CNTNAP2: variants seen among roughly 807,000 people sequenced by gnomAD.
The protein encoded by CNTNAP2 is contactin associated protein 2.
A neutral mutation model predicts 155.2 loss-of-function variants in CNTNAP2; 98 were observed. The observed-to-expected ratio is 0.63, with a 90% CI of 0.54 to 0.75. The LOEUF (loss-of-function observed/expected upper bound fraction) is 0.75, where lower values mean the gene tolerates loss of function less well. Among genes scored for constraint, CNTNAP2 ranks in the 30% least tolerant of loss-of-function variants. The pLI, the probability that CNTNAP2 is intolerant of heterozygous loss-of-function variation, is 0.00. For synonymous variants in CNTNAP2, 651 were observed against 631.2 expected (o/e 1.03, Z -0.47); for missense variants, 1,727 against 1,688.1 (o/e 1.02, Z -0.40).
intron 1 of CNTNAP2, among the ~76,000 whole-genome samples, chr7:146,690,581 C>T (rs982391516): frequency 6.6e-6 from 1 of 152,046 alleles, no homozygotes; most frequent in Non-Finnish European, 1.5e-5. Flanking sequence ...GCCTCATTTG[C>T]AAGTTGTTTT....
chr7:146,568,982 T>G (rs1798399002), intron 1 of CNTNAP2, among the ~76,000 whole-genome samples: 2 of 151,868 alleles, frequency 1.3e-5, no homozygotes, highest in South Asian at 4.1e-4. Flanking sequence ...TCTCTGTGGT[T>G]ACTTCTTTTT....
intron 13 of CNTNAP2, among the ~76,000 whole-genome samples, chr7:147,772,446 C>CCATATATATA (rs71527835): frequency 7.8e-5 from 5 of 63,744 alleles, no homozygotes; most frequent in Non-Finnish European, 1.1e-4. Flanking sequence ...CTCTCTCTCG[C>CCATATATATA]TATATATATA....
intron 15 of CNTNAP2, among the ~76,000 whole-genome samples, chr7:148,097,666 A>G (rs1804002180): frequency 6.6e-6 from 1 of 152,170 alleles, no homozygotes; most frequent in South Asian, 2.1e-4. Flanking sequence ...TGATGTGATA[A>G]CAAGGCTTGA....
intron 10 of CNTNAP2, among the ~76,000 whole-genome samples, chr7:147,401,577 A>T (rs1237057930): frequency 1.3e-5 from 2 of 152,202 alleles, no homozygotes; most frequent in Non-Finnish European, 2.9e-5. Flanking sequence ...GCAGTCAAGA[A>T]GGATGATATG....
At chr7:146,574,069 A>G (rs1798483726) in intron 1 of CNTNAP2, among the ~76,000 whole-genome samples, 1 of 152,160 alleles carries the variant, frequency 6.6e-6, no homozygotes, top group Admixed American at 6.5e-5. Flanking sequence ...AGGAAGAGAT[A>G]CCTGTCCTAT....
At chr7:147,452,769 AC>A (rs1377087733) in intron 10 of CNTNAP2, among the ~76,000 whole-genome samples, 4 of 152,290 alleles carry the variant, frequency 2.6e-5, no homozygotes, top group African/African-American at 7.2e-5. Flanking sequence ...TCCCTAGCTT[AC>A]TGCCTGATAT....
At chr7:146,203,028 T>C (rs191987491) in intron 1 of CNTNAP2, among the ~76,000 whole-genome samples, 2 of 152,342 alleles carry the variant, frequency 1.3e-5, no homozygotes, top group South Asian at 2.1e-4. Context: ...TTTTGTTCTG[T>C]GTTGCTTTGT....
intron 21 of CNTNAP2, 28 bp downstream of exon 21, chr7:148,267,154 T>A (rs748619292): frequency 2.3e-5 from 36 of 1,559,786 alleles, no homozygotes; most frequent in Middle Eastern, 1.7e-4. Flanking sequence ...TAGGTATAAA[T>A]GCGTGCTACA....
intron 21 of CNTNAP2, among the ~76,000 whole-genome samples, chr7:148,290,646 C>T (rs1797173256): frequency 6.6e-6 from 1 of 152,158 alleles, no homozygotes; most frequent in Non-Finnish European, 1.5e-5. Context: ...GTGGCTGGTG[C>T]CTACAACACT....
chr7:147,946,497 CA>C (rs1469226174), intron 14 of CNTNAP2, among the ~76,000 whole-genome samples: 2 of 152,018 alleles, frequency 1.3e-5, no homozygotes, highest in African/African-American at 2.4e-5. Flanking sequence ...ATAAGCATGA[CA>C]GAAGGTTTTA....
chr7:148,402,935 C>A (rs1585347369), intron 22 of CNTNAP2, among the ~76,000 whole-genome samples: 1 of 147,966 alleles, frequency 6.8e-6, no homozygotes. Context: ...ATATGCACTT[C>A]AATATGTTTT....
intron 1 of CNTNAP2, among the ~76,000 whole-genome samples, chr7:146,210,200 G>T (rs955107): frequency 0.25 from 38,351 of 151,828 alleles, 5,027 homozygotes; most frequent in Middle Eastern, 0.33. Context: ...CCTGAAATTT[G>T]CTCATTCTGC....
chr7:146,671,974 C>A (rs1290921211), intron 1 of CNTNAP2, among the ~76,000 whole-genome samples: 1 of 152,010 alleles, frequency 6.6e-6, no homozygotes, highest in African/African-American at 2.4e-5. Flanking sequence ...TGCCACTGCA[C>A]CCAAATAATT....
chr7:146,302,953 C>T (rs1800637260), intron 1 of CNTNAP2, among the ~76,000 whole-genome samples: 1 of 152,044 alleles, frequency 6.6e-6, no homozygotes, highest in African/African-American at 2.4e-5. Flanking sequence ...TGTAGTATAG[C>T]AGACACAGCT....
intron 21 of CNTNAP2, among the ~76,000 whole-genome samples, chr7:148,300,676 T>C (rs1189858895): frequency 6.6e-6 from 1 of 151,820 alleles, no homozygotes; most frequent in Non-Finnish European, 1.5e-5. Context: ...AAGAACCAAG[T>C]GTCCATAGAT....
chr7:147,291,556 T>C (rs758049694), intron 8 of CNTNAP2, among the ~76,000 whole-genome samples: 1 of 152,190 alleles, frequency 6.6e-6, no homozygotes, highest in Admixed American at 6.5e-5. Context: ...TATGTACATG[T>C]GTTTATTTCC....
At chr7:147,660,028 G>T (rs1795586883) in intron 13 of CNTNAP2, among the ~76,000 whole-genome samples, 1 of 152,076 alleles carries the variant, frequency 6.6e-6, no homozygotes, top group Non-Finnish European at 1.5e-5. Context: ...TATTACATTG[G>T]GATCTAGATT....
chr7:146,139,495 A>C (rs1797846716), intron 1 of CNTNAP2, among the ~76,000 whole-genome samples: 1 of 152,164 alleles, frequency 6.6e-6, no homozygotes, highest in African/African-American at 2.4e-5. Flanking sequence ...AATGAGAAAG[A>C]TTATGGAAGA....
chr7:147,877,999 G>T lies in CNTNAP2; in HGVS notation c.2099-25566G>T, dbSNP rs1005927787. Among the ~76,000 whole-genome samples the T allele has an allele frequency of 3.3e-5, 5 of 152,274 alleles. No homozygotes were observed. In the East Asian group the frequency reaches 5.8e-4, roughly 18 times the overall value. On this transcript the variant is annotated intron_variant, in intron 13 of 23. Coordinates refer to ENST00000361727, the MANE Select transcript of CNTNAP2 (RefSeq NM_014141.6). ...AAGAGTCCTGCCTGTCATCTTGATG[G>T]TTTCCAACACTGAGTTTTCTAATTA...
Sources: allele counts gnomAD v4.1 joint callset (sites outside exome capture counted in the v4.1 genomes callset), GRCh38; gene constraint gnomAD v4.1.1; transcripts MANE v1.5; gene names NCBI Gene and HGNC (gene_info 2026-07-23, HGNC 2026-07-21).